Variants in TULP4 observed in about 807,000 individuals in gnomAD.
TULP4 encodes tubby-related protein 4.
A neutral mutation model predicts 129.0 loss-of-function variants in TULP4; 16 were observed. The observed-to-expected ratio is 0.12, with a 90% CI of 0.08 to 0.19. TULP4 has a LOEUF of 0.19. TULP4 is among the 10% of genes least tolerant of loss of function. The probability of loss-of-function intolerance (pLI) is 1.00; values close to 1 mark genes in which losing one functional copy is unlikely to be tolerated. For missense variants in TULP4, 1,842 were observed against 2,059.1 expected (o/e 0.89, Z 2.04); for synonymous variants, 998 against 854.0 (o/e 1.17, Z -2.94).
chr6:158,240,405 C>G (rs1777860013), intron 1 of TULP4, among the ~76,000 whole-genome samples: 7 of 70,240 alleles, frequency 1.0e-4, no homozygotes, highest in African/African-American at 9.6e-5. Flanking sequence ...CTCCTCACTT[C>G]CCAGTAGGGG....
chr6:158,414,372 G>A (rs555636232), intron 2 of TULP4, among the ~76,000 whole-genome samples: 3 of 95,034 alleles, frequency 3.2e-5, no homozygotes, highest in East Asian at 2.0e-4. Context: ...AATGTAGGCC[G>A]GAAATCCCAC....
chr6:158,299,582 T>A (rs538999979), intron 1 of TULP4, among the ~76,000 whole-genome samples: 1 of 152,228 alleles, frequency 6.6e-6, no homozygotes, highest in South Asian at 2.1e-4. Context: ...AGTTTCTAGA[T>A]GGATACAACC....
rs994261378 is a variant in TULP4, at chr6:158,274,734, G to A, written n.69-37317G>A. ...GGAGCTTGCAGTGAGCCGAGATTGC[G>A]CCCCTGCACTCCAGCCTGGGCAACA... On this transcript the variant is annotated intron_variant and non_coding_transcript_variant, in intron 1 of 1. Coordinates refer to the TULP4 transcript ENST00000620026. Among the ~76,000 whole-genome samples the A allele has an allele frequency of 9.9e-4, 150 of 151,724 alleles. 1 individual carries two copies. The highest frequency in any genetic ancestry group is 3.2e-3 in the Middle Eastern group (1 of 314).
chr6:158,415,411 A>G (rs1157612686), intron 2 of TULP4, among the ~76,000 whole-genome samples: 2 of 145,638 alleles, frequency 1.4e-5, no homozygotes, highest in Non-Finnish European at 3.0e-5. Context: ...GTGCAGGGGC[A>G]CGATCTCAAC....
At chr6:158,451,643 G>A (rs1779164516) in intron 4 of TULP4, among the ~76,000 whole-genome samples, 1 of 152,198 alleles carries the variant, frequency 6.6e-6, no homozygotes, top group South Asian at 2.1e-4. Context: ...CCAAATCTGG[G>A]CTGGCCTCTG....
At chr6:158,321,950 T>C (rs1779647744) in intron 1 of TULP4, among the ~76,000 whole-genome samples, 1 of 152,198 alleles carries the variant, frequency 6.6e-6, no homozygotes, top group Admixed American at 6.5e-5. Flanking sequence ...TCCCTTGCAG[T>C]TGAAAGACCC....
chr6:158,319,365 T>C (rs980795446), intron 1 of TULP4, among the ~76,000 whole-genome samples: 5 of 152,216 alleles, frequency 3.3e-5, no homozygotes, highest in Non-Finnish European at 7.3e-5. Context: ...TTGGGTTTTA[T>C]TTAATTTGGT....
chr6:158,269,516 G>A (rs180808229), intron 1 of TULP4, among the ~76,000 whole-genome samples: 2 of 152,180 alleles, frequency 1.3e-5, no homozygotes, highest in South Asian at 2.1e-4. Context: ...GCAAGAATTC[G>A]TTGCCATTTG....
chr6:158,461,444 T>A, intron 5 of TULP4, 119 bp from the exon 6 acceptor site: 3 of 932,994 alleles, frequency 3.2e-6, no homozygotes, highest in Non-Finnish European at 4.7e-6. Flanking sequence ...ACCATGAATA[T>A]ATTTTTGTTG....
At chr6:158,241,727 C>G (rs7454383) in intron 1 of TULP4, among the ~76,000 whole-genome samples, 2 of 151,966 alleles carry the variant, frequency 1.3e-5, no homozygotes, top group African/African-American at 4.8e-5. Flanking sequence ...CCCGAGTAGC[C>G]GGGACTACAG....
chr6:158,331,771 G>GTATATATATATA (rs553636109), intron 1 of TULP4, among the ~76,000 whole-genome samples: 9 of 30,830 alleles, frequency 2.9e-4, no homozygotes, highest in South Asian at 1.3e-3. Flanking sequence ...ATATATACAC[G>GTATATATATATA]TATATATACA....
intron 1 of TULP4, among the ~76,000 whole-genome samples, chr6:158,364,508 C>A (rs565146530): frequency 6.6e-6 from 1 of 152,114 alleles, no homozygotes; most frequent in Non-Finnish European, 1.5e-5. Flanking sequence ...TCTTTTGTTT[C>A]ATCTTTACTC....
At chr6:158,436,829 G>A (rs1401719185) in intron 3 of TULP4, among the ~76,000 whole-genome samples, 3 of 152,168 alleles carry the variant, frequency 2.0e-5, no homozygotes, top group Admixed American at 2.0e-4. Context: ...CTAGTAGGTG[G>A]CATTTTATTC....
At chr6:158,481,358 C>G (rs1181458547) in intron 8 of TULP4, 69 bp downstream of exon 8, 1 of 1,399,822 alleles carries the variant, frequency 7.1e-7, no homozygotes, top group Non-Finnish European at 9.9e-7. Flanking sequence ...GCCTTACACC[C>G]CATGCAAAGA....
chr6:158,240,449 G>A lies in TULP4; in HGVS notation n.68+8146G>A, dbSNP rs1271837046. Among the ~76,000 whole-genome samples the A allele has an allele frequency of 8.8e-5, 7 of 79,190 alleles. 1 individual carries two copies. The highest frequency in any genetic ancestry group is 2.9e-4 in the African/African-American group (7 of 23,748). 52.0% of individuals were successfully genotyped at this position (79,190 alleles called of 152,430 possible). A position where few individuals can be genotyped will look rare whatever the true frequency, so the allele number is the denominator to read the frequency against. ...CAGAGGCGCCCCTCACCTCCCAGAC[G>A]GGGCGGCTGGCTGGGCGGAAGGCTG... On this transcript the variant is annotated intron_variant and non_coding_transcript_variant, in intron 1 of 1. Coordinates refer to the TULP4 transcript ENST00000620026.
In TULP4 at chr6:158,313,948, G is replaced by T; in HGVS notation, c.-69G>T. ...CAACCACAAAAACACATATACCAAT[G>T]AAAGAAATTGGTTTAAATTTCACAG... On this transcript the variant is annotated 5_prime_UTR_variant, in exon 1 of 14. An upstream start codon of the reference 5' UTR is lost. Transcript: ENST00000367097. The T allele has an allele frequency of 6.4e-7, 1 of 1,556,510 alleles. No homozygotes were observed. The highest frequency in any genetic ancestry group is 8.7e-7 in the Non-Finnish European group (1 of 1,148,714).
chr6:158,237,231 G>A, intron 1 of TULP4: 1 of 774,956 alleles, frequency 1.3e-6, no homozygotes, highest in Non-Finnish European at 2.2e-6. Context: ...TGAAAATATG[G>A]AGATGAAGAG....
chr6:158,493,428 G>A lies in TULP4; in HGVS notation c.1632-145G>A. 1.4e-6 allele frequency: 1 copy of A among 731,226 alleles called. No homozygotes were observed. Among genetic ancestry groups the A allele is most frequent in the Non-Finnish European group, 2.0e-6 (1 of 497,288 alleles). The allele number at this position is 731,226 out of a possible 1,614,324, so 45.3% of individuals were successfully genotyped here. The stretch of plus-strand genomic sequence containing the variant: ...TTCATAAAGCAAAAGCAAGGGGAGA[G>A]CTTTGTTAAATTCGGGCACTGGCTG... On this transcript the variant is annotated intron_variant, in intron 9 of 13. Transcript: ENST00000367097. This position sits in a 1 kb window ranked among gnomAD's most constrained non-coding sequence, Gnocchi z 4.4.
At chr6:158,427,944 ACCCCAT>A (rs1307814324) in intron 2 of TULP4, 2 of 151,866 alleles carry the variant, frequency 1.3e-5, no homozygotes, top group African/African-American at 2.4e-5. Context: ...ACATGGCAAA[ACCCCAT>A]CTCTACTAAA....
Sources: allele counts gnomAD v4.1 joint callset (sites outside exome capture counted in the v4.1 genomes callset), GRCh38; gene constraint gnomAD v4.1.1; non-coding constraint Gnocchi (gnomAD v3.1); transcripts MANE v1.5; gene names NCBI Gene and HGNC (gene_info 2026-07-23, HGNC 2026-07-21).